The following TRIM33 variants were observed in gnomAD, a reference collection of about 807,000 sequenced individuals.
The protein encoded by TRIM33 is E3 ubiquitin-protein ligase TRIM33.
In TRIM33, 20 loss-of-function variants were observed where a neutral mutation model predicts 125.4. The ratio of observed to expected loss-of-function variants is 0.16; its 90% CI spans 0.11 to 0.23. TRIM33 has a LOEUF of 0.23. Among genes scored for constraint, TRIM33 ranks in the 10% least tolerant of loss-of-function variants. The pLI, the probability that TRIM33 is intolerant of heterozygous loss-of-function variation, is 1.00. For synonymous variants in TRIM33, 564 were observed against 513.9 expected, an observed-to-expected ratio of 1.10 and a Z score of -1.32; for missense variants, 920 against 1,411.4, an observed-to-expected ratio of 0.65 and a Z score of 5.58.
At position 114,485,486 on chromosome 1, in the gene TRIM33, C is replaced by T. The variant is rs184254284; in HGVS notation, c.527-21098G>A. Among the ~76,000 whole-genome samples, 268 of 152,234 alleles carry T rather than the reference C, an allele frequency of 1.8e-3. 4 individuals carry two copies. The highest frequency in any genetic ancestry group is 5.4e-4 in the Non-Finnish European group (37 of 68,002). On this transcript the variant is annotated intron_variant, in intron 1 of 19. Coordinates refer to ENST00000358465, the MANE Select transcript of TRIM33 (RefSeq NM_015906.4). ...CTGAGACTCCACCCCTATTATGTAGCAATCCAGTGGAATGAGTTAGCCCTA... is the reference window on the plus strand; with the variant it reads ...CTGAGACTCCACCCCTATTATGTAGTAATCCAGTGGAATGAGTTAGCCCTA...
chr1:114,485,500 G>A (rs1651627421), intron 1 of TRIM33, among the ~76,000 whole-genome samples: 1 of 152,156 alleles, frequency 6.6e-6, no homozygotes, highest in Non-Finnish European at 1.5e-5. Flanking sequence ...CCAGTGGAAT[G>A]AGTTAGCCCT....
intron 11 of TRIM33, among the ~76,000 whole-genome samples, chr1:114,417,561 A>G (rs1408089084): frequency 1.3e-5 from 2 of 152,162 alleles, no homozygotes; most frequent in Admixed American, 6.5e-5. Flanking sequence ...ACAATCCCAC[A>G]CTGCCTCCCT....
Position 114,424,601 on chromosome 1 carries a change from A to T in TRIM33, c.1850T>A (p.Leu617His). Residue 617 changes from leucine to histidine, a missense_variant, in exon 10 of 20, where the codon CTC becomes CAC. Physicochemically the swap from Leu to His is moderately conservative, Grantham distance 99 (BLOSUM62 -3). Around this residue, in one of 8 missense-constraint regions of TRIM33, gnomAD observed 407 missense variants for 589.7 expected, o/e 0.69. Transcript: ENST00000358465. ...TAACTCTAGGCATACTTGTCTTTGGAGGTGTGGCTGCATCATGGAATATTG... is the reference window on the plus strand; with the variant it reads ...TAACTCTAGGCATACTTGTCTTTGGTGGTGTGGCTGCATCATGGAATATTG... The part of the protein sequence containing the change: ...GPQYSMMQPH[L>H]QRQHSNPGHA... 3 of 1,580,192 alleles carry T rather than the reference A, an allele frequency of 1.9e-6. No homozygotes were observed. The highest frequency in any genetic ancestry group is 2.6e-6 in the Non-Finnish European group (3 of 1,167,364).
intron 15 of TRIM33, among the ~76,000 whole-genome samples, chr1:114,404,091 A>G (rs1035035365): frequency 6.6e-6 from 1 of 152,180 alleles, no homozygotes; most frequent in Non-Finnish European, 1.5e-5. Context: ...ATATAGAGAG[A>G]TATATACATA....
In TRIM33 at chr1:114,489,771, A is replaced by C. The variant is rs77596385; in HGVS notation, c.526+20780T>G. On this transcript the variant is annotated intron_variant, in intron 1 of 19. Coordinates refer to ENST00000358465, the MANE Select transcript of TRIM33 (RefSeq NM_015906.4). ...AAAAATAAATAAATAAATAAAAAAAACATGTGCTGCCAACACTGTGAATAT... is the reference window on the plus strand; with the variant it reads ...AAAAATAAATAAATAAATAAAAAAACCATGTGCTGCCAACACTGTGAATAT... Among the ~76,000 whole-genome samples, 4 of 152,022 alleles carry C rather than the reference A, an allele frequency of 2.6e-5. 1 individual carries two copies. The East Asian group carries it at 7.7e-4, about 29-fold the overall frequency.
chr1:114,451,502 C>G (rs1649313486), intron 4 of TRIM33, among the ~76,000 whole-genome samples: 3 of 151,912 alleles, frequency 2.0e-5, no homozygotes, highest in South Asian at 4.2e-4. Flanking sequence ...ATGGAAAAAC[C>G]CCATGGTTTA....
chr1:114,430,367 C>T (rs983476810), intron 6 of TRIM33, among the ~76,000 whole-genome samples: 5 of 152,088 alleles, frequency 3.3e-5, no homozygotes, highest in Admixed American at 1.3e-4. Flanking sequence ...ACCTCAGTTT[C>T]CTGAGTAGCT....
chr1:114,505,695 G>A (rs1277830268), intron 1 of TRIM33, among the ~76,000 whole-genome samples: 1 of 152,094 alleles, frequency 6.6e-6, no homozygotes, highest in Non-Finnish European at 1.5e-5. Context: ...GGCCTCCCGA[G>A]TAGCTGGGAT....
At chr1:114,492,444 A>G (rs1652128703) in intron 1 of TRIM33, among the ~76,000 whole-genome samples, 4 of 152,190 alleles carry the variant, frequency 2.6e-5, no homozygotes, top group Admixed American at 2.6e-4. Flanking sequence ...CATTAACTAC[A>G]TTCAACATGT....
In TRIM33 at chr1:114,489,081, G is replaced by A. The variant is rs371239433; in HGVS notation, c.526+21470C>T. The stretch of plus-strand genomic sequence containing the variant: ...TGTTTAATTTTGTTATTGGCATAAA[G>A]ACAGACATACAGATCAATGGAATGA... On this transcript the variant is annotated intron_variant, in intron 1 of 19. Transcript: ENST00000358465. Among the ~76,000 whole-genome samples, 29 of 152,224 alleles carry A rather than the reference G, an allele frequency of 1.9e-4. 1 individual carries two copies. Among genetic ancestry groups the A allele is most frequent in the Middle Eastern group, 3.4e-3 (1 of 294 alleles).
intron 4 of TRIM33, among the ~76,000 whole-genome samples, chr1:114,436,045 AAGG>A (rs1409899735): frequency 6.6e-6 from 1 of 151,560 alleles, no homozygotes; most frequent in African/African-American, 2.4e-5. Context: ...AACCATTTTT[AAGG>A]AGAACATTTT....
rs889304541 is a variant in TRIM33, at chr1:114,396,814, A to C, written c.*834T>G. ...GTCACCTTCTCAAATTTAAATGTACAGAAAACTAGATTAATTTTGAAACAA... is the reference window on the plus strand; with the variant it reads ...GTCACCTTCTCAAATTTAAATGTACCGAAAACTAGATTAATTTTGAAACAA... On this transcript the variant is annotated 3_prime_UTR_variant, in exon 20 of 20. Coordinates refer to ENST00000358465, the MANE Select transcript of TRIM33 (RefSeq NM_015906.4). The C allele has an allele frequency of 4.8e-6, 1 of 209,700 alleles. No homozygotes were observed. The highest frequency in any genetic ancestry group is 9.7e-6 in the Non-Finnish European group (1 of 103,124). The allele number at this position is 209,700 out of a possible 1,614,324, so 13.0% of individuals were successfully genotyped here. A position where few individuals can be genotyped will look rare whatever the true frequency, so the allele number is the denominator to read the frequency against.
chr1:114,494,997 T>G (rs1335148120), intron 1 of TRIM33, among the ~76,000 whole-genome samples: 4 of 152,030 alleles, frequency 2.6e-5, no homozygotes, highest in Admixed American at 6.6e-5. Flanking sequence ...CACTGCAACC[T>G]CCACCTCCCA....
chr1:114,414,397 G>T (rs148925036), intron 11 of TRIM33, among the ~76,000 whole-genome samples: 23 of 151,822 alleles, frequency 1.5e-4, no homozygotes, highest in African/African-American at 5.3e-4. Flanking sequence ...TTCCTCTACA[G>T]AACTAGGCCC....
intron 1 of TRIM33, among the ~76,000 whole-genome samples, chr1:114,475,351 G>A (rs565395503): frequency 1.5e-4 from 23 of 152,236 alleles, no homozygotes; most frequent in African/African-American, 4.8e-4. Context: ...ACCATGCAAA[G>A]CACATCATAA....
rs563349024 is a variant in TRIM33 at position 114,410,685 on chromosome 1, A to T, written c.2062-369T>A. Among the ~76,000 whole-genome samples the T allele has an allele frequency of 3.3e-5, 5 of 152,246 alleles. No homozygotes were observed. The South Asian group carries it at 1.0e-3, about 32-fold the overall frequency. On this transcript the variant is annotated intron_variant, in intron 11 of 19. Transcript: ENST00000358465. ...TGTCCACAATCATTCACTTAAATAG[A>T]AATGTAATTATGTTAGTACCCAGCT...
intron 4 of TRIM33, among the ~76,000 whole-genome samples, chr1:114,440,184 C>A (rs1372803445): frequency 2.6e-5 from 4 of 151,976 alleles, no homozygotes. Flanking sequence ...GAAGTTGTAT[C>A]CACAAAACAC....
chr1:114,412,377 A>G (rs1572021614), intron 11 of TRIM33, among the ~76,000 whole-genome samples: 1 of 152,244 alleles, frequency 6.6e-6, no homozygotes, highest in East Asian at 1.9e-4. Context: ...AATGATGTAC[A>G]ATAAACTAAA....
chr1:114,505,692 C>T (rs574132955), intron 1 of TRIM33, among the ~76,000 whole-genome samples: 20 of 152,182 alleles, frequency 1.3e-4, no homozygotes, highest in African/African-American at 3.9e-4. Flanking sequence ...CTCGGCCTCC[C>T]GAGTAGCTGG....
Sources: gnomAD v4.1 joint callset for allele counts (sites outside exome capture counted in the v4.1 genomes callset) on GRCh38, gnomAD v4.1.1 for gene constraint, gnomAD v4.1.1 regional missense constraint, MANE v1.5 for transcripts, NCBI Gene and HGNC (gene_info 2026-07-23, HGNC 2026-07-21) for gene names.